Variants in PLCH1 observed in about 807,000 individuals in gnomAD.
PLCH1 encodes 1-phosphatidylinositol 4,5-bisphosphate phosphodiesterase eta-1.
In PLCH1, 60 loss-of-function variants were observed where a neutral mutation model predicts 126.7. That is an observed-to-expected ratio of 0.47 (90% CI 0.38 to 0.59). The LOEUF is 0.59. PLCH1 is among the 20% of genes least tolerant of loss of function. PLCH1 has a pLI of 0.00. For missense variants in PLCH1, 1,723 were observed against 2,040.0 expected (o/e 0.84, Z 2.99); for synonymous variants, 719 against 734.9 (o/e 0.98, Z 0.35).
At chr3:155,566,320 C>CGT (rs200038720) in intron 7 of PLCH1, among the ~76,000 whole-genome samples, 14 of 4,786 alleles carry the variant, frequency 2.9e-3, no homozygotes, top group South Asian at 0.012. Flanking sequence ...TACATATATA[C>CGT]ATATATATAC....
intron 21 of PLCH1, among the ~76,000 whole-genome samples, chr3:155,466,158 G>A (rs1339723543): frequency 1.3e-5 from 2 of 152,216 alleles, no homozygotes; most frequent in Non-Finnish European, 2.9e-5. Flanking sequence ...TAGCCAGGGA[G>A]TGGTCACAGT....
intron 2 of PLCH1, among the ~76,000 whole-genome samples, chr3:155,686,196 TTAACA>T (rs1291233198): frequency 6.6e-6 from 1 of 152,064 alleles, no homozygotes; most frequent in Non-Finnish European, 1.5e-5. Flanking sequence ...TGGATAAAAG[TTAACA>T]TAACATAAAG....
At chr3:155,458,507 G>A (rs1315764471) in intron 21 of PLCH1, among the ~76,000 whole-genome samples, 1 of 102,212 alleles carries the variant, frequency 9.8e-6, no homozygotes, top group Non-Finnish European at 1.8e-5. Context: ...AGAGAAAGAA[G>A]AGAGAGAAAT....
chr3:155,548,283 G>A (rs1416207727), intron 10 of PLCH1, among the ~76,000 whole-genome samples: 3 of 152,160 alleles, frequency 2.0e-5, no homozygotes, highest in Admixed American at 1.3e-4. Context: ...TTTAAATGGG[G>A]TTGCGCTGGT....
At chr3:155,539,915 G>A (rs1403978248) in intron 10 of PLCH1, among the ~76,000 whole-genome samples, 1 of 151,974 alleles carries the variant, frequency 6.6e-6, no homozygotes, top group Non-Finnish European at 1.5e-5. Context: ...AACTAAAAGA[G>A]GGCCCGCATA....
intron 11 of PLCH1, among the ~76,000 whole-genome samples, chr3:155,519,127 TATC>T (rs1365740110): frequency 6.6e-6 from 1 of 152,204 alleles, no homozygotes; most frequent in Non-Finnish European, 1.5e-5. Flanking sequence ...ATTAATATAT[TATC>T]ATTCAGCCCT....
intron 2 of PLCH1, among the ~76,000 whole-genome samples, chr3:155,691,615 C>T (rs1405198150): frequency 6.6e-6 from 1 of 152,168 alleles, no homozygotes; most frequent in East Asian, 1.9e-4. Context: ...CCTTCCACAA[C>T]AAAATGCACA....
chr3:155,668,235 T>C (rs898361282), intron 2 of PLCH1, among the ~76,000 whole-genome samples: 1 of 152,210 alleles, frequency 6.6e-6, no homozygotes, highest in Non-Finnish European at 1.5e-5. Context: ...TCGGGGCTTC[T>C]GCCAAGCCTG....
intron 1 of PLCH1, among the ~76,000 whole-genome samples, chr3:155,716,356 T>C (rs1747506835): frequency 6.6e-6 from 1 of 152,204 alleles, no homozygotes. Context: ...CTCAAACTTA[T>C]TAGTTACTTC....
chr3:155,628,963 G>A (rs1413871776), intron 2 of PLCH1, among the ~76,000 whole-genome samples: 1 of 152,144 alleles, frequency 6.6e-6, no homozygotes, highest in African/African-American at 2.4e-5. Context: ...TCTGCCAACT[G>A]CAAGCCCAAT....
chr3:155,500,168 A>G (rs1717681312), intron 14 of PLCH1, among the ~76,000 whole-genome samples: 1 of 152,204 alleles, frequency 6.6e-6, no homozygotes, highest in South Asian at 2.1e-4. Flanking sequence ...TACTACTGGC[A>G]ATAAAGCAAA....
chr3:155,566,947 T>G (rs1577031094), intron 7 of PLCH1, among the ~76,000 whole-genome samples: 1 of 152,226 alleles, frequency 6.6e-6, no homozygotes, highest in African/African-American at 2.4e-5. Context: ...GAAACCAGGT[T>G]TAATTCCATC....
chr3:155,482,656 T>C lies in PLCH1; in HGVS notation c.3370A>G (p.Asn1124Asp). ...CCTTCCAGGTTCTTAATTTCTAGGT[T>C]GCTATGAGAAAGGACGCTTCCTGAC... ...ILSGSVLSHS[N>D]LEIKNLEGNR... The change falls in exon 23 of 23, where the codon AAC becomes GAC. Residue 1124 changes from asparagine (N) to aspartate (D), a missense_variant. Asn to Asp is a conservative substitution (Grantham distance 23). Around this residue, in one of 2 missense-constraint regions of PLCH1, gnomAD observed 947 missense variants for 977.1 expected, o/e 0.97. Transcript: ENST00000460012. 1 of 1,614,194 alleles carries C rather than the reference T, an allele frequency of 6.2e-7. No homozygotes were observed. Among genetic ancestry groups the C allele is most frequent in the African/African-American group, 1.3e-5 (1 of 75,038 alleles).
intron 2 of PLCH1, among the ~76,000 whole-genome samples, chr3:155,634,459 G>A (rs1256885089): frequency 6.6e-6 from 1 of 152,166 alleles, no homozygotes; most frequent in African/African-American, 2.4e-5. Flanking sequence ...TGGTGAGTGG[G>A]ACTGAAACCA....
intron 21 of PLCH1, among the ~76,000 whole-genome samples, chr3:155,469,234 C>T (rs960345882): frequency 3.9e-5 from 6 of 152,090 alleles, no homozygotes; most frequent in African/African-American, 1.2e-4. Flanking sequence ...GTGTGCGAGC[C>T]GAAGCAGGGC....
At chr3:155,649,258 G>C (rs1313870092) in intron 2 of PLCH1, among the ~76,000 whole-genome samples, 1 of 152,142 alleles carries the variant, frequency 6.6e-6, no homozygotes, top group Non-Finnish European at 1.5e-5. Flanking sequence ...CATGCCTGAA[G>C]CTGCTAGAGG....
At chr3:155,740,793 G>T (rs1198275928) in intron 1 of PLCH1, among the ~76,000 whole-genome samples, 1 of 152,196 alleles carries the variant, frequency 6.6e-6, no homozygotes, top group Non-Finnish European at 1.5e-5. Flanking sequence ...ACTCTGCGTT[G>T]TCATCCCCAT....
At chr3:155,491,788 T>C (rs1716247076) in intron 18 of PLCH1, among the ~76,000 whole-genome samples, 1 of 152,134 alleles carries the variant, frequency 6.6e-6, no homozygotes. Context: ...AGGAGCCTTC[T>C]AGGGATTCTG....
chr3:155,577,649 A>C (rs1730157437), intron 6 of PLCH1, among the ~76,000 whole-genome samples: 1 of 152,184 alleles, frequency 6.6e-6, no homozygotes, highest in Non-Finnish European at 1.5e-5. Flanking sequence ...TAATTTAGAA[A>C]ATTAAACTAT....
Sources: gnomAD v4.1 joint callset for allele counts (sites outside exome capture counted in the v4.1 genomes callset) on GRCh38, gnomAD v4.1.1 for gene constraint, gnomAD v4.1.1 regional missense constraint, MANE v1.5 for transcripts, NCBI Gene and HGNC (gene_info 2026-07-23, HGNC 2026-07-21) for gene names.